Variants in MIS18A observed in about 807,000 individuals in gnomAD.
MIS18A encodes the protein protein Mis18-alpha.
A neutral mutation model predicts 25.0 loss-of-function variants in MIS18A; 14 were observed. That is an observed-to-expected ratio of 0.56 (90% CI 0.37 to 0.88). MIS18A has a LOEUF of 0.88. Among genes scored for constraint, MIS18A ranks in the 40% least tolerant of loss-of-function variants. The pLI is 0.00. For synonymous variants in MIS18A, 134 were observed against 118.6 expected (o/e 1.13, Z -0.84); for missense variants, 292 against 290.8 (o/e 1.00, Z -0.03).
At chr21:32,213,174 C>T in the MIS18A span, among the ~76,000 whole-genome samples, 1 of 152,076 alleles carries the variant, frequency 6.6e-6, no homozygotes, top group Non-Finnish European at 1.5e-5. Flanking sequence ...GGGTTTAATC[C>T]TGTAGATAGG....
At chr21:32,165,666 T>C in the MIS18A span, among the ~76,000 whole-genome samples, 2 of 151,092 alleles carry the variant, frequency 1.3e-5, no homozygotes, top group East Asian at 3.9e-4. Context: ...CCCAAAACCA[T>C]GGGATTCATA....
At chr21:32,253,131 C>T in the MIS18A span, among the ~76,000 whole-genome samples, 6 of 151,924 alleles carry the variant, frequency 3.9e-5, no homozygotes. Context: ...GGGGGCCACT[C>T]CATAGAACAC....
the MIS18A span, among the ~76,000 whole-genome samples, chr21:32,240,989 C>T: frequency 2.6e-5 from 4 of 152,200 alleles, no homozygotes; most frequent in African/African-American, 7.2e-5. Context: ...TTAGAAATTT[C>T]TCTTTAAAGA....
At chr21:32,214,276 T>C in the MIS18A span, among the ~76,000 whole-genome samples, 2 of 152,112 alleles carry the variant, frequency 1.3e-5, no homozygotes, top group African/African-American at 4.8e-5. Context: ...CCTCAGGAGG[T>C]TGATTCAGAG....
At chr21:32,274,616 TAAAGGTGACCAC>T (rs1431600943) in intron 2 of MIS18A, among the ~76,000 whole-genome samples, 7 of 152,182 alleles carry the variant, frequency 4.6e-5, no homozygotes, top group African/African-American at 1.7e-4. Context: ...TTTCAATATC[TAAAGGTGACCAC>T]AACCACTCAA....
chr21:32,204,195 T>C, the MIS18A span, among the ~76,000 whole-genome samples: 1 of 151,720 alleles, frequency 6.6e-6, no homozygotes, highest in South Asian at 2.1e-4. Context: ...TCATAGAAAA[T>C]GAAGCAAATG....
chr21:32,187,302 C>G, the MIS18A span, among the ~76,000 whole-genome samples: 1 of 152,132 alleles, frequency 6.6e-6, no homozygotes, highest in Non-Finnish European at 1.5e-5. Context: ...GGACATTTGC[C>G]TCCTGCCAGT....
At chr21:32,178,340 C>T in the MIS18A span, among the ~76,000 whole-genome samples, 3 of 152,108 alleles carry the variant, frequency 2.0e-5, no homozygotes, top group South Asian at 2.1e-4. Context: ...TTATTGCTGT[C>T]GTTGTCATTT....
At chr21:32,250,598 C>G in the MIS18A span, among the ~76,000 whole-genome samples, 1 of 152,210 alleles carries the variant, frequency 6.6e-6, no homozygotes, top group Non-Finnish European at 1.5e-5. Flanking sequence ...CTGAGGAACT[C>G]TCAGACCTTC....
At chr21:32,264,448 C>T (rs968462854), downstream of MIS18A, among the ~76,000 whole-genome samples, 3 of 152,056 alleles carry the variant, frequency 2.0e-5, no homozygotes, top group Non-Finnish European at 4.4e-5. Flanking sequence ...TTAAATAAGG[C>T]TAAATCTTTA....
At chr21:32,195,715 G>A in the MIS18A span, among the ~76,000 whole-genome samples, 2 of 152,064 alleles carry the variant, frequency 1.3e-5, no homozygotes, top group Non-Finnish European at 2.9e-5. Context: ...GGAAGCAGGT[G>A]CCTCAAAATT....
the MIS18A span, among the ~76,000 whole-genome samples, chr21:32,224,305 A>G: frequency 0.26 from 37,157 of 140,714 alleles, 6,602 homozygotes; most frequent in African/African-American, 0.52. Context: ...AGGAAATAAA[A>G]GGTATTCAAT....
chr21:32,203,245 A>G, the MIS18A span, among the ~76,000 whole-genome samples: 2 of 152,168 alleles, frequency 1.3e-5, no homozygotes, highest in Admixed American at 6.5e-5. Context: ...AGAAAGAAGG[A>G]ATAGAAAAAA....
the MIS18A span, among the ~76,000 whole-genome samples, chr21:32,221,723 CAAAA>C: frequency 7.4e-5 from 8 of 108,692 alleles, no homozygotes; most frequent in African/African-American, 2.4e-4. Flanking sequence ...ACGAATAATA[CAAAA>C]AAAAAAAAAA....
At chr21:32,270,369 C>T in intron 3 of MIS18A, 38 bp downstream of exon 3, 1 of 1,608,960 alleles carries the variant, frequency 6.2e-7, no homozygotes, top group Non-Finnish European at 8.5e-7. Flanking sequence ...CTTTCTGAAA[C>T]ACCAGTTGTG....
At chr21:32,160,213 C>A in the MIS18A span, among the ~76,000 whole-genome samples, 1 of 151,722 alleles carries the variant, frequency 6.6e-6, no homozygotes, top group Non-Finnish European at 1.5e-5. Flanking sequence ...GGCCATGAGT[C>A]CCCAGACCCC....
At chr21:32,193,480 GTAGATAGATAGA>G in the MIS18A span, among the ~76,000 whole-genome samples, 13,500 of 137,988 alleles carry the variant, frequency 0.098, 650 homozygotes, top group Middle Eastern at 0.15. Context: ...AGATAGATAG[GTAGATAGATAGA>G]TAGATAGATA....
At chr21:32,276,465 A>G (rs1178882972) in intron 1 of MIS18A, among the ~76,000 whole-genome samples, 1 of 141,578 alleles carries the variant, frequency 7.1e-6, no homozygotes, top group Non-Finnish European at 1.5e-5. Context: ...TGTCTCAAAA[A>G]AAAAAAAAAA....
At chr21:32,166,444 T>G in the MIS18A span, among the ~76,000 whole-genome samples, 2 of 151,952 alleles carry the variant, frequency 1.3e-5, no homozygotes, top group South Asian at 4.2e-4. Flanking sequence ...ACAGGGAAAA[T>G]GCAAAATGAG....
Sources: gnomAD v4.1 joint callset for allele counts (sites outside exome capture counted in the v4.1 genomes callset) on GRCh38, gnomAD v4.1.1 for gene constraint, MANE v1.5 for transcripts, NCBI Gene and HGNC (gene_info 2026-07-23, HGNC 2026-07-21) for gene names.